The following STON2 variants were observed in gnomAD, a reference collection of about 807,000 sequenced individuals.
STON2 encodes the protein stonin 2.
Under a neutral mutation model 65.7 loss-of-function variants are expected in STON2, and 29 were observed. The observed-to-expected ratio is 0.44, with a 90% CI of 0.33 to 0.60. The LOEUF is 0.60. Among genes scored for constraint, STON2 ranks in the 20% least tolerant of loss-of-function variants. STON2 has a pLI of 0.03. For missense variants in STON2, 1,054 were observed against 1,118.1 expected, an observed-to-expected ratio of 0.94 and a Z score of 0.82; for synonymous variants, 404 against 414.2, an observed-to-expected ratio of 0.98 and a Z score of 0.30.
At chr14:81,268,519 G>C in intron 7 of STON2, 22 bp from the exon 8 acceptor site, 1 of 1,288,918 alleles carries the variant, frequency 7.8e-7, no homozygotes, top group Non-Finnish European at 1.0e-6. Flanking sequence ...AGAAGTTGGA[G>C]ATAAAGATCA....
intron 5 of STON2, among the ~76,000 whole-genome samples, chr14:81,290,702 C>T (rs1436367888): frequency 6.6e-6 from 1 of 152,168 alleles, no homozygotes. Flanking sequence ...TTTATGTGGA[C>T]TTTCCAGCAA....
intron 4 of STON2, among the ~76,000 whole-genome samples, chr14:81,356,647 T>C (rs571153055): frequency 6.6e-6 from 1 of 152,282 alleles, no homozygotes; most frequent in South Asian, 2.1e-4. Flanking sequence ...CTGGTCTCTT[T>C]TTGGTTGGTA....
chr14:81,412,662 T>C lies in STON2; in HGVS notation c.-198-14082A>G, dbSNP rs866729288. Among the ~76,000 whole-genome samples the C allele has an allele frequency of 1.1e-4, 15 of 139,326 alleles. 3 individuals are homozygous for C. Among genetic ancestry groups the C allele is most frequent in the African/African-American group, 4.1e-4 (14 of 33,738 alleles). 91.4% of individuals were successfully genotyped at this position (139,326 alleles called of 152,430 possible). A position where few individuals can be genotyped will look rare whatever the true frequency, so the allele number is the denominator to read the frequency against. Reference sequence around the variant, plus strand: ...GTTCTGGAGATGGATGTGGCAATAGTTGCACAACGATGTGAAAGGACATAA... The same window carrying C: ...GTTCTGGAGATGGATGTGGCAATAGCTGCACAACGATGTGAAAGGACATAA... On this transcript the variant is annotated intron_variant, in intron 2 of 8. Transcript: ENST00000553821.
chr14:81,362,061 C>T (rs1038053701), intron 4 of STON2, among the ~76,000 whole-genome samples: 6 of 152,030 alleles, frequency 3.9e-5, no homozygotes, highest in Non-Finnish European at 2.9e-5. Context: ...TTTAGTACAG[C>T]CATTATGAAA....
chr14:81,383,698 C>T (rs993363080), intron 3 of STON2, among the ~76,000 whole-genome samples: 2 of 152,160 alleles, frequency 1.3e-5, no homozygotes, highest in Non-Finnish European at 2.9e-5. Flanking sequence ...ACAGTGGCCT[C>T]CTACCTGGTC....
intron 5 of STON2, among the ~76,000 whole-genome samples, chr14:81,296,080 T>C (rs1174433052): frequency 6.6e-6 from 1 of 152,188 alleles, no homozygotes; most frequent in East Asian, 1.9e-4. Flanking sequence ...TAGGACAATA[T>C]TCAAAACAGG....
intron 5 of STON2, among the ~76,000 whole-genome samples, chr14:81,287,261 CCTA>C (rs1306700230): frequency 6.6e-6 from 1 of 152,076 alleles, no homozygotes; most frequent in East Asian, 1.9e-4. Context: ...TACGCTGGGA[CCTA>C]CTTAGTCATT....
At chr14:81,290,488 G>A (rs1895513159) in intron 5 of STON2, among the ~76,000 whole-genome samples, 1 of 152,210 alleles carries the variant, frequency 6.6e-6, no homozygotes, top group African/African-American at 2.4e-5. Context: ...GATGCGTTCT[G>A]AGTCTGTATC....
chr14:81,262,642 C>T lies in STON2; in HGVS notation c.*5772G>A. The T allele has an allele frequency of 2.0e-6, 2 of 985,422 alleles. No homozygotes were observed. The highest frequency in any genetic ancestry group is 2.4e-6 in the Non-Finnish European group (2 of 829,934). 61.0% of individuals were successfully genotyped at this position (985,422 alleles called of 1,614,324 possible). A position where few individuals can be genotyped will look rare whatever the true frequency, so the allele number is the denominator to read the frequency against. On this transcript the variant is annotated 3_prime_UTR_variant, in exon 8 of 8. Transcript: ENST00000614646. ...TTGCCTCTCTCCAGGCACTACCAAA[C>T]TCATTACTGTGGATAGTTTCTGCCT... is the stretch of plus-strand genomic sequence containing the variant.
At chr14:81,323,097 T>G (rs1297249741) in intron 5 of STON2, among the ~76,000 whole-genome samples, 1 of 152,250 alleles carries the variant, frequency 6.6e-6, no homozygotes, top group Non-Finnish European at 1.5e-5. Flanking sequence ...TACATGTTTA[T>G]GAATATCTTC....
At chr14:81,368,915 C>G (rs1898861911) in intron 4 of STON2, among the ~76,000 whole-genome samples, 1 of 152,164 alleles carries the variant, frequency 6.6e-6, no homozygotes, top group South Asian at 2.1e-4. Flanking sequence ...GCTATTCCAA[C>G]ACACCTGTTT....
At chr14:81,391,833 C>G (rs1008737546) in intron 3 of STON2, among the ~76,000 whole-genome samples, 1 of 152,138 alleles carries the variant, frequency 6.6e-6, no homozygotes, top group Non-Finnish European at 1.5e-5. Flanking sequence ...CTACAGGACC[C>G]TCCTAAGGTA....
chr14:81,269,751 A>G (rs1269781158), intron 7 of STON2: 1 of 985,156 alleles, frequency 1.0e-6, no homozygotes, highest in Non-Finnish European at 1.2e-6. Flanking sequence ...TTCTTTAACA[A>G]ACTCCTTTTC....
chr14:81,332,225 T>A (rs1229113590), intron 4 of STON2, among the ~76,000 whole-genome samples: 1 of 152,232 alleles, frequency 6.6e-6, no homozygotes, highest in Admixed American at 6.5e-5. Flanking sequence ...CTGAAAGTTA[T>A]GAGAATATTC....
chr14:81,413,198 T>C (rs1253512911), intron 2 of STON2: 2 of 1,546,026 alleles, frequency 1.3e-6, no homozygotes. Context: ...CATCTACTTC[T>C]ACCTGGGCCA....
intron 5 of STON2, among the ~76,000 whole-genome samples, chr14:81,280,836 C>A (rs1167667529): frequency 6.6e-6 from 1 of 151,872 alleles, no homozygotes; most frequent in Non-Finnish European, 1.5e-5. Context: ...AATGGTGAAA[C>A]CCTGTCTCTA....
At chr14:81,382,070 T>C (rs2145123) in intron 3 of STON2, among the ~76,000 whole-genome samples, 26,851 of 151,688 alleles carry the variant, frequency 0.18, 3,067 homozygotes, top group East Asian at 0.44. Flanking sequence ...ACACAAAAAA[T>C]TAGCCAGGTG....
At position 81,265,998 on chromosome 14, in the gene STON2, A is replaced by G; in HGVS notation, c.*2416T>C. The stretch of plus-strand genomic sequence containing the variant: ...TAATCTCAAAAGCCTTCAGTACAAC[A>G]GGGGAAGAGATATGCGTTGAAATTC... On this transcript the variant is annotated 3_prime_UTR_variant, in exon 8 of 8. Transcript: ENST00000614646. 1.0e-6 allele frequency: 1 copy of G among 985,466 alleles called. No individual in the cohort carries two copies. Among genetic ancestry groups the G allele is most frequent in the Middle Eastern group, 5.2e-4 (1 of 1,914 alleles). 61.0% of individuals were successfully genotyped at this position (985,466 alleles called of 1,614,324 possible). A position where few individuals can be genotyped will look rare whatever the true frequency, so the allele number is the denominator to read the frequency against.
Position 81,371,110 on chromosome 14 carries a change from C to T in STON2, c.449G>A (p.Ser150Asn), listed in dbSNP as rs1284318362. Residue 150 changes from serine (S) to asparagine (N), a missense_variant, in exon 4 of 8, where the codon AGC becomes AAC. Physicochemically the swap from Ser to Asn is conservative, Grantham distance 46. Coordinates refer to ENST00000614646, the MANE Select transcript of STON2 (RefSeq NM_001394390.1). ...GTCTTCAGAATGGGTGGTCCAGCTGCTCTCAGAAGTCAGAGGGCATCTCCC... is the reference window on the plus strand; with the variant it reads ...GTCTTCAGAATGGGTGGTCCAGCTGTTCTCAGAAGTCAGAGGGCATCTCCC... Reference protein sequence around the residue: ...SLGRCPLTSESSWTTHSEDTS... With the variant: ...SLGRCPLTSENSWTTHSEDTS... The T allele has an allele frequency of 6.2e-7, 1 of 1,614,110 alleles. No homozygotes were observed. The highest frequency in any genetic ancestry group is 2.2e-5 in the East Asian group (1 of 44,876).
Sources: allele counts gnomAD v4.1 joint callset (sites outside exome capture counted in the v4.1 genomes callset), GRCh38; gene constraint gnomAD v4.1.1; transcripts MANE v1.5; gene names NCBI Gene and HGNC (gene_info 2026-07-23, HGNC 2026-07-21).